PRIM2: variants seen among roughly 807,000 people sequenced by gnomAD.
The protein encoded by PRIM2 is DNA primase subunit 2, also known as DNA primase large subunit.
In PRIM2, 39 loss-of-function variants were observed where a neutral mutation model predicts 67.3. The observed-to-expected ratio is 0.58, with a 90% CI of 0.45 to 0.76. PRIM2 has a LOEUF of 0.76. Ranked by LOEUF, PRIM2 falls within the 30% of genes least tolerant of loss-of-function variation. PRIM2 has a pLI of 0.00. For synonymous variants in PRIM2, 143 were observed against 198.7 expected, an observed-to-expected ratio of 0.72 and a Z score of 2.36; for missense variants, 398 against 598.7, an observed-to-expected ratio of 0.66 and a Z score of 3.50.
chr6:57,376,515 G>A (rs1769770689), intron 5 of PRIM2, among the ~76,000 whole-genome samples: 1 of 151,748 alleles, frequency 6.6e-6, no homozygotes, highest in African/African-American at 2.4e-5. Flanking sequence ...TGTTATTTCT[G>A]TTCTGGCTGT....
At chr6:57,418,436 T>C in intron 7 of PRIM2, among the ~76,000 whole-genome samples, 1 of 136,420 alleles carries the variant, frequency 7.3e-6, no homozygotes, top group African/African-American at 2.7e-5. Flanking sequence ...CTCACTCTGT[T>C]GCCAGGCTGG....
intron 7 of PRIM2, among the ~76,000 whole-genome samples, chr6:57,441,382 CT>C (rs992057087): frequency 2.0e-4 from 30 of 151,882 alleles, no homozygotes; most frequent in Admixed American, 6.6e-5. Flanking sequence ...TAACATTTTT[CT>C]TTTTTTTCTT....
intron 10 of PRIM2, among the ~76,000 whole-genome samples, chr6:57,562,067 A>T (rs1198456932): frequency 6.6e-6 from 1 of 152,150 alleles, no homozygotes; most frequent in Non-Finnish European, 1.5e-5. Context: ...GAAGACACAC[A>T]ACATTTATCA....
At chr6:57,585,494 G>A (rs1398345551) in intron 10 of PRIM2, among the ~76,000 whole-genome samples, 2 of 152,134 alleles carry the variant, frequency 1.3e-5, no homozygotes, top group Non-Finnish European at 2.9e-5. Flanking sequence ...GAAAAATTAC[G>A]GAGATGAAAG....
chr6:57,321,166 A>G (rs1222476979), intron 3 of PRIM2, among the ~76,000 whole-genome samples: 1 of 152,222 alleles, frequency 6.6e-6, no homozygotes, highest in Non-Finnish European at 1.5e-5. Context: ...GACATTAAGA[A>G]GGTAGAATCA....
chr6:57,634,844 C>T (rs1186512548), intron 13 of PRIM2, among the ~76,000 whole-genome samples: 4 of 152,118 alleles, frequency 2.6e-5, no homozygotes, highest in Admixed American at 6.5e-5. Context: ...ATATCTAAAT[C>T]CTTTCACATA....
At chr6:57,568,379 C>T (rs1406983435) in intron 10 of PRIM2, among the ~76,000 whole-genome samples, 2 of 152,064 alleles carry the variant, frequency 1.3e-5, no homozygotes, top group Non-Finnish European at 2.9e-5. Flanking sequence ...GAGATTATGT[C>T]ACTTAATCTG....
At chr6:57,601,312 G>A (rs1175705718) in intron 11 of PRIM2, 93 bp downstream of exon 11, 6 of 1,356,676 alleles carry the variant, frequency 4.4e-6, no homozygotes, top group Non-Finnish European at 5.9e-6. Context: ...TTGCATTCCT[G>A]TCAGGACCTA....
the PRIM2 span, among the ~76,000 whole-genome samples, chr6:57,276,196 C>T: frequency 3.3e-5 from 5 of 152,116 alleles, no homozygotes; most frequent in East Asian, 1.9e-4. Context: ...TCAAGACCAG[C>T]CTGGCCAACA....
intron 10 of PRIM2, among the ~76,000 whole-genome samples, chr6:57,597,446 A>G (rs1776386606): frequency 6.6e-6 from 1 of 151,724 alleles, no homozygotes; most frequent in South Asian, 2.1e-4. Context: ...TTGCAGTAGC[A>G]TAGTCAGTGT....
intron 5 of PRIM2, among the ~76,000 whole-genome samples, chr6:57,370,131 T>C (rs1209311894): frequency 1.3e-5 from 2 of 152,228 alleles, no homozygotes; most frequent in Non-Finnish European, 2.9e-5. Context: ...TCTCTACTAC[T>C]TTACTCTGCT....
chr6:57,263,385 C>T, the PRIM2 span, among the ~76,000 whole-genome samples: 1 of 152,172 alleles, frequency 6.6e-6, no homozygotes, highest in Admixed American at 6.5e-5. Flanking sequence ...TCCTTCCTTG[C>T]CCCTTCCCAG....
chr6:57,501,445 G>T (rs1774129607), intron 7 of PRIM2, among the ~76,000 whole-genome samples: 1 of 151,832 alleles, frequency 6.6e-6, no homozygotes. Context: ...GATTACAGGC[G>T]CCCGCCACCA....
At chr6:57,230,964 C>G in the PRIM2 span, among the ~76,000 whole-genome samples, 2,127 of 152,254 alleles carry the variant, frequency 0.014, 51 homozygotes, top group African/African-American at 0.05. Context: ...GTTTTTGGAA[C>G]CTGCTACCTC....
chr6:57,243,491 T>C, the PRIM2 span, among the ~76,000 whole-genome samples: 133,977 of 152,184 alleles, frequency 0.88, 59,684 homozygotes, highest in South Asian at 0.98. Context: ...TTATTTGAGA[T>C]GGAGCCTCGG....
At chr6:57,273,068 T>G in the PRIM2 span, among the ~76,000 whole-genome samples, 415 of 152,346 alleles carry the variant, frequency 2.7e-3, 2 homozygotes, top group African/African-American at 9.6e-3. Context: ...CATTGTTTCC[T>G]TCATTTCAAC....
At chr6:57,410,951 A>G (rs1771069490) in intron 7 of PRIM2, among the ~76,000 whole-genome samples, 1 of 151,434 alleles carries the variant, frequency 6.6e-6, no homozygotes, top group Non-Finnish European at 1.5e-5. Flanking sequence ...TCAATGTGAT[A>G]TAGCTTGGAT....
At chr6:57,458,545 C>T (rs71221651) in intron 7 of PRIM2, among the ~76,000 whole-genome samples, 212 of 152,184 alleles carry the variant, frequency 1.4e-3, no homozygotes, top group Admixed American at 2.5e-3. Context: ...ATTAGTCAGC[C>T]ATGGTGGTGG....
intron 10 of PRIM2, among the ~76,000 whole-genome samples, chr6:57,594,983 A>C (rs1482200556): frequency 1.2e-4 from 19 of 152,222 alleles, no homozygotes; most frequent in African/African-American, 4.6e-4. Context: ...CATTTCATAA[A>C]ATAAGGAATA....
Sources: allele counts gnomAD v4.1 joint callset (sites outside exome capture counted in the v4.1 genomes callset), GRCh38; gene constraint gnomAD v4.1.1; transcripts MANE v1.5; gene names NCBI Gene and HGNC (gene_info 2026-07-23, HGNC 2026-07-21).